The following KCNAB1 variants were observed in gnomAD, a reference collection of about 807,000 sequenced individuals.
KCNAB1 encodes voltage-gated potassium channel subunit beta-1.
Under a neutral mutation model 64.6 loss-of-function variants are expected in KCNAB1, and 35 were observed. That is an observed-to-expected ratio of 0.54 (90% CI 0.41 to 0.72). The LOEUF is 0.72. KCNAB1 is among the 30% of genes least tolerant of loss of function. The pLI, the probability that KCNAB1 is intolerant of heterozygous loss-of-function variation, is 0.00. For missense variants in KCNAB1, 401 were observed against 512.9 expected, an observed-to-expected ratio of 0.78 and a Z score of 2.11; for synonymous variants, 177 against 183.8, an observed-to-expected ratio of 0.96 and a Z score of 0.30.
chr3:156,353,438 T>G (rs1448200090), intron 1 of KCNAB1, among the ~76,000 whole-genome samples: 1 of 152,100 alleles, frequency 6.6e-6, no homozygotes, highest in Non-Finnish European at 1.5e-5. Context: ...GTTTTGGAGG[T>G]TGTATCAGTT....
chr3:156,183,652 A>G (rs973055346), intron 1 of KCNAB1, among the ~76,000 whole-genome samples: 6 of 151,970 alleles, frequency 3.9e-5, no homozygotes, highest in African/African-American at 1.5e-4. Flanking sequence ...TCTCTCACTC[A>G]TCTCTCCCCA....
chr3:156,320,020 A>G (rs758298370), intron 1 of KCNAB1, among the ~76,000 whole-genome samples: 37 of 152,190 alleles, frequency 2.4e-4, no homozygotes, highest in Non-Finnish European at 4.3e-4. Context: ...CACTGTGGGC[A>G]GGAGCAGGGC....
In KCNAB1 at chr3:156,124,938, G is replaced by A. The variant is rs113345814; in HGVS notation, c.275+4052G>A. On this transcript the variant is annotated intron_variant, in intron 1 of 13. Transcript: ENST00000490337. ...GTAGATCACAAGGTCAGGAGTTCAAGACCAGCCTGGCCAACATGGTGAAAC... is the reference window on the plus strand; with the variant it reads ...GTAGATCACAAGGTCAGGAGTTCAAAACCAGCCTGGCCAACATGGTGAAAC... Among the ~76,000 whole-genome samples, 603 of 152,218 alleles carry A rather than the reference G, an allele frequency of 4.0e-3. 1 individual carries two copies. Among genetic ancestry groups the A allele is most frequent in the Non-Finnish European group, 6.2e-3 (423 of 68,014 alleles).
chr3:156,465,422 C>A (rs1713289027), intron 6 of KCNAB1, among the ~76,000 whole-genome samples: 1 of 152,082 alleles, frequency 6.6e-6, no homozygotes, highest in African/African-American at 2.4e-5. Context: ...TGGTGTTGAG[C>A]ATGTTAGTGG....
At chr3:156,287,916 A>T (rs1720187490) in intron 1 of KCNAB1, among the ~76,000 whole-genome samples, 1 of 152,220 alleles carries the variant, frequency 6.6e-6, no homozygotes, top group Non-Finnish European at 1.5e-5. Flanking sequence ...GAGCTCCAAT[A>T]GTTTCTTGCA....
intron 1 of KCNAB1, among the ~76,000 whole-genome samples, chr3:156,387,683 C>T (rs895167957): frequency 6.6e-6 from 1 of 152,086 alleles, no homozygotes; most frequent in Non-Finnish European, 1.5e-5. Context: ...ATAGATTTTT[C>T]ATTGTTAACA....
intron 1 of KCNAB1, among the ~76,000 whole-genome samples, chr3:156,184,046 A>C (rs1713035099): frequency 6.6e-6 from 1 of 152,226 alleles, no homozygotes; most frequent in African/African-American, 2.4e-5. Flanking sequence ...CCATAGAGCA[A>C]ATTGTGACGC....
chr3:156,190,059 C>G (rs922008668), intron 1 of KCNAB1, among the ~76,000 whole-genome samples: 2 of 152,132 alleles, frequency 1.3e-5, no homozygotes, highest in Non-Finnish European at 2.9e-5. Context: ...AGTTCAACTA[C>G]AATTAGTTTC....
intron 1 of KCNAB1, among the ~76,000 whole-genome samples, chr3:156,400,217 G>C: frequency 6.6e-6 from 1 of 152,154 alleles, no homozygotes; most frequent in Non-Finnish European, 1.5e-5. Flanking sequence ...ATTGCCTGAG[G>C]GTATTTCCGG....
chr3:156,338,526 G>T (rs1403410320), intron 1 of KCNAB1, among the ~76,000 whole-genome samples: 1 of 151,768 alleles, frequency 6.6e-6, no homozygotes, highest in Non-Finnish European at 1.5e-5. Flanking sequence ...TGGTGAGGCT[G>T]GTCTTGAACT....
At chr3:156,462,900 A>G (rs1031094521) in intron 5 of KCNAB1, among the ~76,000 whole-genome samples, 1 of 152,182 alleles carries the variant, frequency 6.6e-6, no homozygotes, top group Non-Finnish European at 1.5e-5. Flanking sequence ...TTCTTATTCC[A>G]TGATCATAAT....
intron 1 of KCNAB1, among the ~76,000 whole-genome samples, chr3:156,163,696 A>G (rs1716212402): frequency 6.6e-6 from 1 of 152,232 alleles, no homozygotes; most frequent in African/African-American, 2.4e-5. Context: ...TCTTACGATA[A>G]GAGATATATG....
At chr3:156,337,985 T>C (rs1723827510) in intron 1 of KCNAB1, among the ~76,000 whole-genome samples, 1 of 152,190 alleles carries the variant, frequency 6.6e-6, no homozygotes, top group African/African-American at 2.4e-5. Context: ...CTGGTGGGGA[T>C]GGCGATGTAT....
chr3:156,214,300 C>G (rs1236982521), intron 1 of KCNAB1, among the ~76,000 whole-genome samples: 1 of 152,168 alleles, frequency 6.6e-6, no homozygotes, highest in African/African-American at 2.4e-5. Context: ...TGGGGAACTG[C>G]TACTTATGAT....
intron 1 of KCNAB1, among the ~76,000 whole-genome samples, chr3:156,162,454 C>T (rs997950174): frequency 3.3e-5 from 5 of 152,104 alleles, no homozygotes; most frequent in African/African-American, 1.2e-4. Flanking sequence ...TTAGTTGCCA[C>T]CAGTCTCCTT....
intron 8 of KCNAB1, among the ~76,000 whole-genome samples, chr3:156,509,963 A>AT (rs1229116744): frequency 2.6e-5 from 4 of 152,164 alleles, no homozygotes; most frequent in Admixed American, 2.6e-4. Flanking sequence ...GTTGTTTCCT[A>AT]TTAGTAAGCT....
At chr3:156,308,121 G>A (rs79478742) in intron 1 of KCNAB1, among the ~76,000 whole-genome samples, 10 of 152,344 alleles carry the variant, frequency 6.6e-5, no homozygotes, top group African/African-American at 2.4e-4. Flanking sequence ...TTGGGCAGGG[G>A]ACATTATTTG....
intron 5 of KCNAB1, among the ~76,000 whole-genome samples, chr3:156,461,273 A>C (rs1712889037): frequency 6.6e-6 from 1 of 152,186 alleles, no homozygotes; most frequent in Admixed American, 6.5e-5. Flanking sequence ...TCAAGGTTTG[A>C]CTTCAGGGTT....
At chr3:156,192,182 G>A (rs1279013867) in intron 1 of KCNAB1, among the ~76,000 whole-genome samples, 3 of 151,994 alleles carry the variant, frequency 2.0e-5, no homozygotes, top group African/African-American at 2.4e-5. Flanking sequence ...CCATGTTGTC[G>A]CCTGTAGCAT....
Sources: allele counts gnomAD v4.1 joint callset (sites outside exome capture counted in the v4.1 genomes callset), GRCh38; gene constraint gnomAD v4.1.1; transcripts MANE v1.5; gene names NCBI Gene and HGNC (gene_info 2026-07-23, HGNC 2026-07-21).